RARB: variants seen among roughly 807,000 people sequenced by gnomAD.
The protein encoded by RARB is retinoic acid receptor beta.
Under a neutral mutation model 51.9 loss-of-function variants are expected in RARB, and 17 were observed. The observed-to-expected ratio is 0.33, with a 90% CI of 0.22 to 0.49. RARB has a LOEUF of 0.49. RARB is among the 20% of genes least tolerant of loss of function. RARB has a pLI of 0.99. For missense variants in RARB, 369 were observed against 550.8 expected, an observed-to-expected ratio of 0.67 and a Z score of 3.30; for synonymous variants, 215 against 195.4, an observed-to-expected ratio of 1.10 and a Z score of -0.84.
At position 25,387,720 on chromosome 3, in the gene RARB, A is replaced by T. The variant is rs987851273; in HGVS notation, c.179-73473A>T. On this transcript the variant is annotated intron_variant, in intron 5 of 11. Transcript: ENST00000383772. ...CTCTTGGGGTCTTTTGACCACACAC[A>T]TAATGAGGTCTCACTTCAGCAATGT... Among the ~76,000 whole-genome samples the T allele has an allele frequency of 3.9e-5, 6 of 152,228 alleles. No individual in the cohort carries two copies. In the South Asian group the frequency reaches 1.2e-3, roughly 32 times the overall value.
intron 2 of RARB, among the ~76,000 whole-genome samples, chr3:24,997,243 C>T (rs1344167767): frequency 2.0e-5 from 3 of 152,054 alleles, no homozygotes; most frequent in Non-Finnish European, 4.4e-5. Context: ...TAGCTTTTAA[C>T]TTGAAATCTG....
chr3:25,228,165 A>G (rs1336380976), intron 5 of RARB, among the ~76,000 whole-genome samples: 2 of 150,458 alleles, frequency 1.3e-5, no homozygotes, highest in East Asian at 1.9e-4. Flanking sequence ...GGATGTGCAG[A>G]TACAGAACTT....
intron 2 of RARB, among the ~76,000 whole-genome samples, chr3:24,949,824 A>G (rs1489325648): frequency 6.6e-6 from 1 of 152,148 alleles, no homozygotes; most frequent in Non-Finnish European, 1.5e-5. Flanking sequence ...CACAAGATGA[A>G]TTTGATTTGT....
At chr3:25,587,811 T>C (rs927308583) in intron 5 of RARB, among the ~76,000 whole-genome samples, 6 of 152,254 alleles carry the variant, frequency 3.9e-5, no homozygotes, top group African/African-American at 1.4e-4. Context: ...GATCAGGATC[T>C]GCCCACATGT....
intron 5 of RARB, among the ~76,000 whole-genome samples, chr3:25,363,661 A>G (rs1706022784): frequency 1.3e-5 from 2 of 152,202 alleles, no homozygotes; most frequent in Non-Finnish European, 2.9e-5. Flanking sequence ...TTATTGAAGT[A>G]GCCTACTAGA....
At chr3:25,018,475 T>C (rs1009814497) in intron 2 of RARB, among the ~76,000 whole-genome samples, 3 of 152,220 alleles carry the variant, frequency 2.0e-5, no homozygotes, top group African/African-American at 7.2e-5. Context: ...TGTTAGCATC[T>C]TGACAATAGG....
intron 2 of RARB, among the ~76,000 whole-genome samples, chr3:24,999,050 T>G (rs1697103165): frequency 6.6e-6 from 1 of 152,124 alleles, no homozygotes; most frequent in South Asian, 2.1e-4. Flanking sequence ...GGAATGGGGT[T>G]TTGGTCAATC....
intron 2 of RARB, among the ~76,000 whole-genome samples, chr3:24,976,883 T>C (rs1045548323): frequency 6.6e-6 from 1 of 152,242 alleles, no homozygotes; most frequent in Non-Finnish European, 1.5e-5. Context: ...CTAGGGTTTT[T>C]ATGGTTTGAG....
At chr3:25,442,075 G>T (rs1708711541) in intron 1 of RARB, among the ~76,000 whole-genome samples, 1 of 151,964 alleles carries the variant, frequency 6.6e-6, no homozygotes, top group Non-Finnish European at 1.5e-5. Flanking sequence ...TTGAAATGCG[G>T]TTAATACAGC....
At chr3:25,326,933 C>T (rs1264100519) in intron 5 of RARB, among the ~76,000 whole-genome samples, 1 of 151,984 alleles carries the variant, frequency 6.6e-6, no homozygotes, top group East Asian at 1.9e-4. Context: ...TGGTGTGCTG[C>T]ACCCATTAAC....
intron 2 of RARB, among the ~76,000 whole-genome samples, chr3:24,951,110 T>C (rs1475634644): frequency 6.6e-6 from 1 of 152,208 alleles, no homozygotes; most frequent in Non-Finnish European, 1.5e-5. Flanking sequence ...GTGAATTTTA[T>C]GATGACAGGG....
At chr3:25,565,633 T>C (rs1302450151) in intron 3 of RARB, among the ~76,000 whole-genome samples, 1 of 152,216 alleles carries the variant, frequency 6.6e-6, no homozygotes, top group Admixed American at 6.5e-5. Context: ...ACTCATTTGG[T>C]GCCACTGCGA....
chr3:25,516,362 A>C (rs1183856029), intron 3 of RARB, among the ~76,000 whole-genome samples: 1 of 152,204 alleles, frequency 6.6e-6, no homozygotes, highest in Admixed American at 6.5e-5. Context: ...TATAGTGTTC[A>C]AGATGTGATT....
At position 25,474,345 on chromosome 3, in the gene RARB, T is replaced by C. The variant is rs555243517; in HGVS notation, c.306+13004T>C. 3.9e-5 allele frequency among the ~76,000 whole-genome samples: 6 copies of C among 152,364 alleles called. No homozygotes were observed. In the South Asian group the frequency reaches 1.0e-3, roughly 26 times the overall value. On this transcript the variant is annotated intron_variant, in intron 2 of 7. Coordinates refer to ENST00000330688, the MANE Select transcript of RARB (RefSeq NM_000965.5). ...TGAGCTATGCCACATCTGGGGACTT[T>C]GCGATTATGGTCATGTTTTCAATAA...
chr3:25,560,915 A>G (rs1470149981), intron 3 of RARB, among the ~76,000 whole-genome samples: 1 of 152,208 alleles, frequency 6.6e-6, no homozygotes, highest in African/African-American at 2.4e-5. Flanking sequence ...TGAATAAACA[A>G]ATTGGTATAG....
chr3:24,861,120 G>A (rs1313856813), intron 2 of RARB, among the ~76,000 whole-genome samples: 1 of 152,164 alleles, frequency 6.6e-6, no homozygotes, highest in East Asian at 1.9e-4. Context: ...GAAAACATTT[G>A]GTGGGGGCAG....
At chr3:25,393,672 C>A (rs1707036154) in intron 5 of RARB, among the ~76,000 whole-genome samples, 1 of 151,986 alleles carries the variant, frequency 6.6e-6, no homozygotes, top group Admixed American at 6.6e-5. Context: ...AGTTAATGCA[C>A]ATAAAGGTGT....
chr3:24,881,784 G>A (rs1703171441), intron 2 of RARB, among the ~76,000 whole-genome samples: 1 of 152,100 alleles, frequency 6.6e-6, no homozygotes, highest in Non-Finnish European at 1.5e-5. Context: ...CAGAGTGGAG[G>A]AAAATAGTGT....
At chr3:25,418,553 A>G (rs576279668) in intron 5 of RARB, among the ~76,000 whole-genome samples, 440 of 152,256 alleles carry the variant, frequency 2.9e-3, no homozygotes, top group Admixed American at 4.5e-3. Flanking sequence ...TCTTCACTCC[A>G]GTCTCAGAGG....
Sources: gnomAD v4.1 joint callset for allele counts (sites outside exome capture counted in the v4.1 genomes callset) on GRCh38, gnomAD v4.1.1 for gene constraint, MANE v1.5 for transcripts, NCBI Gene and HGNC (gene_info 2026-07-23, HGNC 2026-07-21) for gene names.